COL24A1: variants seen among roughly 807,000 people sequenced by gnomAD.
COL24A1 encodes the protein collagen type XXIV alpha 1 chain, also known as collagen alpha-1(XXIV) chain.
COL24A1 carries 224 observed loss-of-function variants against 253.9 expected under a neutral mutation model. That is an observed-to-expected ratio of 0.88 (90% CI 0.79 to 0.99). The LOEUF is 0.99. COL24A1 is among the 50% of genes least tolerant of loss of function. COL24A1 has a pLI of 0.00. For synonymous variants in COL24A1, 685 were observed against 673.7 expected, an observed-to-expected ratio of 1.02 and a Z score of -0.26; for missense variants, 2,131 against 2,068.5, an observed-to-expected ratio of 1.03 and a Z score of -0.59.
At chr1:85,952,548 G>T (rs779933687) in intron 24 of COL24A1, among the ~76,000 whole-genome samples, 2 of 152,184 alleles carry the variant, frequency 1.3e-5, no homozygotes, top group Non-Finnish European at 2.9e-5. Flanking sequence ...AAATTAGGCA[G>T]AATCACATAT....
chr1:85,814,604 C>T (rs184599981), intron 47 of COL24A1, among the ~76,000 whole-genome samples: 244 of 152,306 alleles, frequency 1.6e-3, no homozygotes, highest in African/African-American at 5.3e-3. Context: ...AATGTGTAAG[C>T]AGGCAATTCA....
Position 85,744,799 on chromosome 1 carries a change from G to A in COL24A1, c.4539C>T (p.His1513=), listed in dbSNP as rs141100436. The change falls in exon 57 of 60, where the codon CAC becomes CAT. Residue 1513 remains histidine (H), a synonymous_variant. Coordinates refer to ENST00000370571, the MANE Select transcript of COL24A1 (RefSeq NM_152890.7). ...YQNTEVTLID[H]SEEIFKTLNY... is the part of the protein sequence containing the mutation. The stretch of plus-strand genomic sequence containing the variant: ...TCAGGGTTTTGAATATCTCTTCACT[G>A]TGGTCAATTAAAGTCACTTCAGTAT... 5.8e-4 allele frequency: 942 copies of A among 1,610,378 alleles called. No individual in the cohort carries two copies. Among genetic ancestry groups the A allele is most frequent in the Middle Eastern group, 3.1e-3 (19 of 6,056 alleles).
At chr1:86,092,791 A>G (rs1254207308) in intron 5 of COL24A1, among the ~76,000 whole-genome samples, 1 of 151,962 alleles carries the variant, frequency 6.6e-6, no homozygotes, top group Non-Finnish European at 1.5e-5. Flanking sequence ...ATTATTAAGA[A>G]AAATGAACAT....
rs1188727820 is a variant in COL24A1 at position 86,126,273 on chromosome 1, T to C, written c.122-59A>G. On this transcript the variant is annotated intron_variant, in intron 2 of 59. Transcript: ENST00000370571. ...TTAATTTTATGGATTCAAGTGTTCA[T>C]ATAAATGTTTGAATATGATAAAAAT... 2.7e-5 allele frequency: 39 copies of C among 1,445,926 alleles called. No individual in the cohort carries two copies. The South Asian group carries it at 2.7e-4, about 10-fold the overall frequency. 89.6% of individuals were successfully genotyped at this position (1,445,926 alleles called of 1,614,324 possible). A position where few individuals can be genotyped will look rare whatever the true frequency, so the allele number is the denominator to read the frequency against.
intron 32 of COL24A1, among the ~76,000 whole-genome samples, chr1:85,887,437 T>G (rs1176266191): frequency 6.6e-6 from 1 of 152,100 alleles, no homozygotes; most frequent in Admixed American, 6.5e-5. Context: ...TTTCTTTCTG[T>G]ACGTGTGTGA....
At chr1:86,143,718 G>A (rs1361365449) in intron 2 of COL24A1, among the ~76,000 whole-genome samples, 1 of 151,950 alleles carries the variant, frequency 6.6e-6, no homozygotes, top group African/African-American at 2.4e-5. Context: ...AGTAGGAGTG[G>A]GTAAGGGGAA....
intron 26 of COL24A1, among the ~76,000 whole-genome samples, chr1:85,908,953 T>C (rs1685109331): frequency 1.3e-5 from 2 of 151,766 alleles, no homozygotes; most frequent in Non-Finnish European, 3.0e-5. Flanking sequence ...AAGAGAACAT[T>C]CATTTCATTT....
intron 7 of COL24A1, among the ~76,000 whole-genome samples, chr1:86,075,130 T>C (rs1311402636): frequency 6.6e-6 from 1 of 151,508 alleles, no homozygotes; most frequent in Non-Finnish European, 1.5e-5. Context: ...ATCAACAAAA[T>C]AGATAGACCA....
chr1:85,852,130 G>A (rs1677840864), intron 37 of COL24A1, among the ~76,000 whole-genome samples: 1 of 152,196 alleles, frequency 6.6e-6, no homozygotes, highest in East Asian at 1.9e-4. Flanking sequence ...GTGCGCATTT[G>A]TGTGAGGGAG....
intron 2 of COL24A1, among the ~76,000 whole-genome samples, chr1:86,135,214 C>G (rs1350404633): frequency 6.6e-6 from 1 of 152,046 alleles, no homozygotes; most frequent in East Asian, 1.9e-4. Context: ...AGATCTTCCT[C>G]CATCCCTTTA....
intron 19 of COL24A1, among the ~76,000 whole-genome samples, chr1:85,994,240 T>C (rs1694559345): frequency 6.6e-6 from 1 of 151,958 alleles, no homozygotes; most frequent in African/African-American, 2.4e-5. Flanking sequence ...AAATTATGAA[T>C]TCTTGAGGGC....
At chr1:85,897,753 C>T (rs1305868640) in intron 28 of COL24A1, among the ~76,000 whole-genome samples, 1 of 152,036 alleles carries the variant, frequency 6.6e-6, no homozygotes, top group Non-Finnish European at 1.5e-5. Context: ...TAACTGAATA[C>T]CTGTGGAAAA....
chr1:86,089,441 T>C (rs542117187), intron 6 of COL24A1, among the ~76,000 whole-genome samples: 1 of 152,330 alleles, frequency 6.6e-6, no homozygotes, highest in East Asian at 1.9e-4. Context: ...TCCATATCCT[T>C]GCTCCGTTTT....
chr1:86,117,622 C>T (rs536662502), intron 3 of COL24A1, among the ~76,000 whole-genome samples: 4 of 152,230 alleles, frequency 2.6e-5, no homozygotes, highest in African/African-American at 4.8e-5. Context: ...AATCAATTCT[C>T]ACATGTCTTC....
chr1:85,781,352 G>T (rs772631236), intron 51 of COL24A1, 79 bp from the exon 52 acceptor site: 13 of 920,862 alleles, frequency 1.4e-5, no homozygotes, highest in Non-Finnish European at 2.2e-5. Context: ...CTTGTACAAT[G>T]GTAAAAGAGC....
At chr1:85,769,721 G>A (rs1667757525) in intron 53 of COL24A1, among the ~76,000 whole-genome samples, 1 of 152,136 alleles carries the variant, frequency 6.6e-6, no homozygotes, top group Non-Finnish European at 1.5e-5. Context: ...GGTCCTACCA[G>A]GACATAGGTT....
rs534543231 is a variant in COL24A1 at position 85,944,933 on chromosome 1, A to G, written c.2562+16316T>C. On this transcript the variant is annotated intron_variant, in intron 24 of 59. Transcript: ENST00000370571. ...TCCCTACAAAGGACATGAACTCATC[A>G]TTTTTTATGGCTGCATAGTATTCCA... Among the ~76,000 whole-genome samples, 348 of 132,568 alleles carry G rather than the reference A, an allele frequency of 2.6e-3. 3 individuals are homozygous for G. The highest frequency in any genetic ancestry group is 0.016 in the Middle Eastern group (3 of 190). 87.0% of individuals were successfully genotyped at this position (132,568 alleles called of 152,430 possible).
intron 52 of COL24A1, among the ~76,000 whole-genome samples, chr1:85,776,490 A>G (rs1035699838): frequency 2.4e-5 from 1 of 42,294 alleles, no homozygotes; most frequent in Non-Finnish European, 4.5e-5. Context: ...ATGTATATAT[A>G]TGTAAAAAAT....
chr1:86,048,226 T>C (rs776140877), intron 11 of COL24A1, among the ~76,000 whole-genome samples: 3 of 152,206 alleles, frequency 2.0e-5, no homozygotes, highest in Non-Finnish European at 2.9e-5. Flanking sequence ...TACATATGTG[T>C]ATACACACAA....
Sources: allele counts gnomAD v4.1 joint callset (sites outside exome capture counted in the v4.1 genomes callset), GRCh38; gene constraint gnomAD v4.1.1; transcripts MANE v1.5; gene names NCBI Gene and HGNC (gene_info 2026-07-23, HGNC 2026-07-21).